The following CNTN4 variants were observed in gnomAD, a reference collection of about 807,000 sequenced individuals.
The protein encoded by CNTN4 is contactin-4.
In CNTN4, 77 loss-of-function variants were observed where a neutral mutation model predicts 122.5. The ratio of observed to expected loss-of-function variants is 0.63; its 90% CI spans 0.52 to 0.76. The LOEUF (loss-of-function observed/expected upper bound fraction) is 0.76, where lower values mean the gene tolerates loss of function less well. Ranked by LOEUF, CNTN4 falls within the 30% of genes least tolerant of loss-of-function variation. The probability of loss-of-function intolerance (pLI) is 0.00; values close to 1 mark genes in which losing one functional copy is unlikely to be tolerated. For synonymous variants in CNTN4, 512 were observed against 447.0 expected, an observed-to-expected ratio of 1.15 and a Z score of -1.83; for missense variants, 1,256 against 1,259.1, an observed-to-expected ratio of 1.00 and a Z score of 0.04.
At chr3:2,110,569 A>G (rs1386353915) in intron 2 of CNTN4, 4 of 152,190 alleles carry the variant, frequency 2.6e-5, no homozygotes, top group Non-Finnish European at 5.9e-5. Context: ...TCAGATTGTC[A>G]TATTATAATC....
At chr3:2,335,172 C>T (rs1466997381) in intron 2 of CNTN4, among the ~76,000 whole-genome samples, 1 of 152,038 alleles carries the variant, frequency 6.6e-6, no homozygotes, top group Non-Finnish European at 1.5e-5. Context: ...ATTTATTCAC[C>T]TGGTTGTGTA....
intron 4 of CNTN4, among the ~76,000 whole-genome samples, chr3:2,721,377 C>T (rs916011947): frequency 5.3e-5 from 8 of 152,146 alleles, no homozygotes; most frequent in Non-Finnish European, 1.0e-4. Context: ...CTTTTGGGGC[C>T]TCACTGTATT....
intron 6 of CNTN4, among the ~76,000 whole-genome samples, chr3:2,807,843 C>A (rs2092507478): frequency 1.3e-5 from 2 of 152,198 alleles, no homozygotes; most frequent in African/African-American, 4.8e-5. Context: ...CTGATAACAT[C>A]TGCCTCTCCT....
chr3:2,343,460 T>C (rs1310796659), intron 3 of CNTN4, among the ~76,000 whole-genome samples: 2 of 152,158 alleles, frequency 1.3e-5, no homozygotes, highest in African/African-American at 4.8e-5. Context: ...CTTCAGTCTC[T>C]TATTGGTCAC....
chr3:2,788,075 C>T (rs1435764887), intron 6 of CNTN4, among the ~76,000 whole-genome samples: 1 of 152,072 alleles, frequency 6.6e-6, no homozygotes, highest in African/African-American at 2.4e-5. Flanking sequence ...CCGTGCCCGG[C>T]CTATAGTATT....
intron 10 of CNTN4, among the ~76,000 whole-genome samples, chr3:2,895,892 G>A (rs955084428): frequency 1.3e-5 from 2 of 152,166 alleles, no homozygotes; most frequent in Non-Finnish European, 2.9e-5. Context: ...AATTAGCCGA[G>A]CGTGGTGGCG....
chr3:2,629,112 CA>C (rs1246347539), intron 4 of CNTN4, among the ~76,000 whole-genome samples: 1 of 152,146 alleles, frequency 6.6e-6, no homozygotes, highest in African/African-American at 2.4e-5. Context: ...CCTTAACCCC[CA>C]AATGTGACTA....
chr3:2,279,147 T>C (rs1479756229), intron 2 of CNTN4, among the ~76,000 whole-genome samples: 1 of 149,608 alleles, frequency 6.7e-6, no homozygotes, highest in African/African-American at 2.6e-5. Flanking sequence ...TCAAAACTAA[T>C]AAAAACATCC....
chr3:2,170,182 G>C (rs984343438), intron 2 of CNTN4, among the ~76,000 whole-genome samples: 21 of 138,188 alleles, frequency 1.5e-4, no homozygotes, highest in Non-Finnish European at 2.4e-4. Context: ...TTAGCCGGGC[G>C]TGGTGGCGGC....
intron 2 of CNTN4, among the ~76,000 whole-genome samples, chr3:2,269,930 A>G (rs866740241): frequency 0.018 from 623 of 34,486 alleles, 189 homozygotes; most frequent in Middle Eastern, 0.053. Context: ...TTATTTATTT[A>G]TTTATTTATT....
intron 4 of CNTN4, among the ~76,000 whole-genome samples, chr3:2,606,963 A>G (rs935865342): frequency 6.6e-6 from 1 of 152,166 alleles, no homozygotes. Context: ...TGCTAGCTCT[A>G]TTCTTTTTCC....
intron 6 of CNTN4, among the ~76,000 whole-genome samples, chr3:2,761,342 T>C (rs192699299): frequency 1.3e-5 from 2 of 152,298 alleles, no homozygotes; most frequent in Non-Finnish European, 1.5e-5. Flanking sequence ...GCTGCCTTCA[T>C]CTATTGAATG....
chr3:2,613,970 A>G (rs189698046), intron 4 of CNTN4, among the ~76,000 whole-genome samples: 1 of 152,270 alleles, frequency 6.6e-6, no homozygotes, highest in Admixed American at 6.5e-5. Context: ...ACCCTCGTGG[A>G]TACAGTAATG....
At chr3:3,047,288 C>G (rs1432988238) in intron 23 of CNTN4, among the ~76,000 whole-genome samples, 3 of 152,148 alleles carry the variant, frequency 2.0e-5, no homozygotes, top group Non-Finnish European at 2.9e-5. Flanking sequence ...TAATAGACAT[C>G]TACAGAACTC....
intron 5 of CNTN4, among the ~76,000 whole-genome samples, chr3:2,743,660 T>C (rs2149538497): frequency 6.6e-6 from 1 of 152,352 alleles, no homozygotes; most frequent in South Asian, 2.1e-4. Context: ...CCAGCATTTA[T>C]GGAGCACAAT....
chr3:2,505,616 C>T (rs2076711907), intron 3 of CNTN4, among the ~76,000 whole-genome samples: 1 of 152,138 alleles, frequency 6.6e-6, no homozygotes, highest in African/African-American at 2.4e-5. Context: ...GGTGGCCATG[C>T]ACTTTAAAAT....
rs759775002 is a variant in CNTN4, at chr3:2,187,029, A to G, written c.-145+86390A>G. On this transcript the variant is annotated intron_variant, in intron 2 of 24. Coordinates refer to ENST00000418658, the MANE Select transcript of CNTN4 (RefSeq NM_175607.3). ...GCCTATGTCCTGAATGGTATTGCCT[A>G]GGTTTTCTTCTAAGGTTTTTTATGG... is the stretch of plus-strand genomic sequence containing the variant. Among the ~76,000 whole-genome samples the G allele has an allele frequency of 1.5e-3, 224 of 152,264 alleles. 2 individuals carry two copies. The highest frequency in any genetic ancestry group is 4.1e-4 in the Non-Finnish European group (28 of 68,004).
rs1483603038 is a variant in CNTN4 at position 3,040,090 on chromosome 3, C to T, written c.2217C>T (p.Phe739=). The change falls in exon 20 of 25, where the codon TTC becomes TTT. Residue 739 remains phenylalanine, a synonymous_variant. Coordinates refer to ENST00000418658, the MANE Select transcript of CNTN4 (RefSeq NM_175607.3). ...GAGGCTTTGGTTATGTGGTGGCCTT[C>T]CGGCCCTACGGTAAAATGATCTGGA... ...NGRGFGYVVA[F]RPYGKMIWML... The T allele has an allele frequency of 1.2e-6, 2 of 1,614,060 alleles. No homozygotes were observed. Among genetic ancestry groups the T allele is most frequent in the Admixed American group, 1.7e-5 (1 of 60,008 alleles).
chr3:2,600,031 T>TTTTTTTTTTTTTTTTTC (rs2080961581), intron 4 of CNTN4, among the ~76,000 whole-genome samples: 1 of 143,956 alleles, frequency 6.9e-6, no homozygotes, highest in Non-Finnish European at 1.5e-5. Context: ...TTTTTTTTTT[T>TTTTTTTTTTTTTTTTTC]TTTTGCCAAA....
Sources: gnomAD v4.1 joint callset for allele counts (sites outside exome capture counted in the v4.1 genomes callset) on GRCh38, gnomAD v4.1.1 for gene constraint, MANE v1.5 for transcripts, NCBI Gene and HGNC (gene_info 2026-07-23, HGNC 2026-07-21) for gene names.